The following TBXAS1 variants were observed in gnomAD, a reference collection of about 807,000 sequenced individuals.
TBXAS1 encodes thromboxane A synthase 1.
TBXAS1 carries 48 observed loss-of-function variants against 60.7 expected under a neutral mutation model. The ratio of observed to expected loss-of-function variants is 0.79; its 90% CI spans 0.63 to 1.01. The LOEUF is 1.01. Ranked by LOEUF, TBXAS1 falls within the 50% of genes least tolerant of loss-of-function variation. The pLI is 0.00. For synonymous variants in TBXAS1, 287 were observed against 269.7 expected (o/e 1.06, Z -0.63); for missense variants, 685 against 686.3 (o/e 1.00, Z 0.02).
chr7:139,849,088 C>T (rs1800020257), intron 1 of TBXAS1, among the ~76,000 whole-genome samples: 1 of 151,926 alleles, frequency 6.6e-6, no homozygotes, highest in Non-Finnish European at 1.5e-5. Context: ...AAACAACAGG[C>T]CAGGCATGAT....
At chr7:139,807,988 C>A (rs1280804253) in intron 4 of TBXAS1, among the ~76,000 whole-genome samples, 1 of 152,120 alleles carries the variant, frequency 6.6e-6, no homozygotes, top group Non-Finnish European at 1.5e-5. Flanking sequence ...TAGAGATGTT[C>A]AATAGCCACC....
chr7:139,952,648 G>C (rs1387354569), intron 5 of TBXAS1: 3 of 1,536,974 alleles, frequency 2.0e-6, no homozygotes, highest in Non-Finnish European at 2.6e-6. Context: ...AAGCCGAGTG[G>C]TATCTATGTG....
At chr7:139,899,251 C>T (rs1804379883) in intron 3 of TBXAS1, among the ~76,000 whole-genome samples, 1 of 152,244 alleles carries the variant, frequency 6.6e-6, no homozygotes, top group Admixed American at 6.5e-5. Context: ...ATGTGCTTTT[C>T]CATTTGGCTG....
upstream of TBXAS1, among the ~76,000 whole-genome samples, chr7:139,825,446 TACAAATC>T (rs1003440445): frequency 5.9e-5 from 9 of 152,200 alleles, no homozygotes; most frequent in African/African-American, 2.2e-4. Context: ...TTATGGTTTC[TACAAATC>T]ACAAATCACA....
intron 1 of TBXAS1, among the ~76,000 whole-genome samples, chr7:139,844,173 G>A (rs192250679): frequency 5.3e-5 from 8 of 152,276 alleles, no homozygotes; most frequent in African/African-American, 1.9e-4. Flanking sequence ...GGTATATAGA[G>A]CACTCAAAGT....
chr7:139,840,605 G>A (rs1315478410), intron 1 of TBXAS1, among the ~76,000 whole-genome samples: 1 of 152,162 alleles, frequency 6.6e-6, no homozygotes, highest in Non-Finnish European at 1.5e-5. Flanking sequence ...GCGGTCGGAT[G>A]CATTGGTAGC....
intron 9 of TBXAS1, among the ~76,000 whole-genome samples, chr7:139,989,637 C>A (rs911741011): frequency 6.6e-6 from 1 of 152,198 alleles, no homozygotes; most frequent in East Asian, 1.9e-4. Flanking sequence ...CAGCATCCTC[C>A]CCATCTCCCT....
At chr7:139,968,283 T>C (rs1165267793) in intron 9 of TBXAS1, among the ~76,000 whole-genome samples, 1 of 152,094 alleles carries the variant, frequency 6.6e-6, no homozygotes, top group Non-Finnish European at 1.5e-5. Context: ...CACTTTTTTG[T>C]TTGTTTTTGT....
At chr7:139,890,207 CTTTTTTTTTTT>C (rs57305084) in intron 3 of TBXAS1, among the ~76,000 whole-genome samples, 30 of 85,602 alleles carry the variant, frequency 3.5e-4, no homozygotes, top group Non-Finnish European at 5.9e-4. Flanking sequence ...AGGATGCAGT[CTTTTTTTTTTT>C]TTTTTTTTTT....
intron 4 of TBXAS1, among the ~76,000 whole-genome samples, chr7:139,914,260 C>CTCCTGGCCTCAGGTGA (rs1344401512): frequency 6.6e-6 from 1 of 152,030 alleles, no homozygotes; most frequent in African/African-American, 2.4e-5. Context: ...TAGTCTCGAG[C>CTCCTGGCCTCAGGTGA]TCCTGGCCTC....
intron 3 of TBXAS1, among the ~76,000 whole-genome samples, chr7:139,893,387 G>A (rs564299101): frequency 1.4e-5 from 2 of 138,624 alleles, no homozygotes; most frequent in Admixed American, 7.0e-5. Context: ...CAATACCCCC[G>A]AATATACATG....
chr7:139,919,956 C>A (rs1359108747), intron 4 of TBXAS1, among the ~76,000 whole-genome samples: 2 of 152,196 alleles, frequency 1.3e-5, no homozygotes, highest in Non-Finnish European at 2.9e-5. Context: ...GTTCCAGTCC[C>A]AGTACAGCAC....
intron 9 of TBXAS1, among the ~76,000 whole-genome samples, chr7:139,972,005 C>T (rs1290709661): frequency 6.6e-6 from 1 of 152,166 alleles, no homozygotes; most frequent in African/African-American, 2.4e-5. Context: ...CAGCCAAGAC[C>T]CACATGCCTG....
At chr7:139,859,398 G>A (rs541500607) in intron 1 of TBXAS1, among the ~76,000 whole-genome samples, 1 of 150,902 alleles carries the variant, frequency 6.6e-6, no homozygotes, top group South Asian at 2.1e-4. Flanking sequence ...AGTAGAGACA[G>A]GGTTTCACTG....
chr7:140,016,124 C>A lies in TBXAS1; in HGVS notation c.1364+264C>A, dbSNP rs12703491. On this transcript the variant is annotated intron_variant, in intron 11 of 12. Transcript: ENST00000448866. ...TGGGCAGATCACGAGGTCAGGAGAT[C>A]GAGACCATCCTGGCTAACACGGTGA... Among the ~76,000 whole-genome samples, 49 of 152,016 alleles carry A rather than the reference C, an allele frequency of 3.2e-4. 1 individual carries two copies. Among genetic ancestry groups the A allele is most frequent in the East Asian group, 1.7e-3 (9 of 5,160 alleles).
intron 7 of TBXAS1, among the ~76,000 whole-genome samples, chr7:139,957,038 C>T (rs538199038): frequency 6.6e-6 from 1 of 152,334 alleles, no homozygotes; most frequent in South Asian, 2.1e-4. Context: ...TGAGGGGTTC[C>T]TGACTCTGGC....
rs116364306 is a variant in TBXAS1 at position 139,975,100 on chromosome 7, C to T, written c.1134+12867C>T. 4.1e-3 allele frequency among the ~76,000 whole-genome samples: 623 copies of T among 152,304 alleles called. 3 individuals are homozygous for T. Among genetic ancestry groups the T allele is most frequent in the African/African-American group, 0.014 (593 of 41,552 alleles). On this transcript the variant is annotated intron_variant, in intron 9 of 12. Coordinates refer to ENST00000448866, the MANE Select transcript of TBXAS1 (RefSeq NM_001061.7). The surrounding 1 kb of genome is among the most constrained non-coding windows in gnomAD (Gnocchi z 4.4). ...CAGTCTAGACACAGAATTCTTTCTT[C>T]GCCAGAAAACCTCAGTTTTTGCTCT...
intron 5 of TBXAS1, among the ~76,000 whole-genome samples, chr7:139,950,701 G>A (rs138692194): frequency 7.7e-4 from 110 of 143,200 alleles, no homozygotes; most frequent in Middle Eastern, 7.4e-3. Flanking sequence ...CTCCATCTAC[G>A]GGACCCCCTC....
intron 4 of TBXAS1, among the ~76,000 whole-genome samples, chr7:139,929,648 C>T (rs1317824623): frequency 6.6e-6 from 1 of 152,344 alleles, no homozygotes; most frequent in East Asian, 1.9e-4. Flanking sequence ...TAACTGCATT[C>T]ATCATTCCGA....
Sources: gnomAD v4.1 joint callset for allele counts (sites outside exome capture counted in the v4.1 genomes callset) on GRCh38, gnomAD v4.1.1 for gene constraint, Gnocchi (gnomAD v3.1) non-coding constraint, MANE v1.5 for transcripts, NCBI Gene and HGNC (gene_info 2026-07-23, HGNC 2026-07-21) for gene names.